The following GRK3 variants were observed in gnomAD, a reference collection of about 807,000 sequenced individuals.
The protein encoded by GRK3 is adrenergic, beta, receptor kinase 2.
A neutral mutation model predicts 95.7 loss-of-function variants in GRK3; 54 were observed. The ratio of observed to expected loss-of-function variants is 0.56; its 90% confidence interval spans 0.45 to 0.71. The LOEUF (loss-of-function observed/expected upper bound fraction) is 0.71, where lower values mean the gene tolerates loss of function less well. Among genes scored for constraint, GRK3 ranks in the 30% least tolerant of loss-of-function variants. The probability of loss-of-function intolerance (pLI) is 0.00; values close to 1 mark genes in which losing one functional copy is unlikely to be tolerated. For missense variants in GRK3, 649 were observed against 851.2 expected (o/e 0.76, Z 2.96); for synonymous variants, 281 against 290.8 (o/e 0.97, Z 0.34).
intron 2 of GRK3, among the ~76,000 whole-genome samples, chr22:25,624,527 G>C (rs759602128): frequency 7.9e-5 from 12 of 152,220 alleles, no homozygotes; most frequent in Admixed American, 2.0e-4. Flanking sequence ...TCACGCCACT[G>C]CATTCCAGCC....
At chr22:25,648,412 G>A in intron 3 of GRK3, 1 of 1,281,400 alleles carries the variant, frequency 7.8e-7, no homozygotes, top group Non-Finnish European at 1.1e-6. Flanking sequence ...AAAGATGCTT[G>A]GGAAATCCCT....
At chr22:25,642,204 G>A (rs1319677499) in intron 2 of GRK3, among the ~76,000 whole-genome samples, 1 of 152,188 alleles carries the variant, frequency 6.6e-6, no homozygotes. Flanking sequence ...AGGGCAAGGC[G>A]GGTGGATCAC....
At chr22:25,587,620 G>A (rs1248301116) in intron 1 of GRK3, among the ~76,000 whole-genome samples, 1 of 151,850 alleles carries the variant, frequency 6.6e-6, no homozygotes, top group Non-Finnish European at 1.5e-5. Flanking sequence ...TGGTAGAGAT[G>A]GGTGATGTGG....
intron 3 of GRK3, among the ~76,000 whole-genome samples, chr22:25,650,020 C>A (rs963951746): frequency 2.0e-5 from 3 of 149,014 alleles, no homozygotes; most frequent in African/African-American, 7.5e-5. Context: ...GAGACAGAGT[C>A]TTACCCTGTT....
intron 11 of GRK3, among the ~76,000 whole-genome samples, chr22:25,687,966 G>C (rs1186982764): frequency 6.6e-6 from 1 of 152,202 alleles, no homozygotes; most frequent in Non-Finnish European, 1.5e-5. Context: ...GCCAGGTGCG[G>C]TGGCTCATGC....
At chr22:25,622,143 G>T (rs2084590688) in intron 2 of GRK3, among the ~76,000 whole-genome samples, 1 of 152,158 alleles carries the variant, frequency 6.6e-6, no homozygotes, top group Non-Finnish European at 1.5e-5. Context: ...ACCACAGAAT[G>T]TTAGGCCTAA....
At chr22:25,683,612 G>A (rs142304155) in intron 9 of GRK3, among the ~76,000 whole-genome samples, 9 of 152,238 alleles carry the variant, frequency 5.9e-5, no homozygotes, top group Non-Finnish European at 7.4e-5. Flanking sequence ...TTTAATTTGC[G>A]TTACCTTGGA....
chr22:25,706,979 G>C (rs1376755379), intron 15 of GRK3, among the ~76,000 whole-genome samples: 1 of 151,776 alleles, frequency 6.6e-6, no homozygotes, highest in African/African-American at 2.4e-5. Flanking sequence ...ACATTACCAT[G>C]CCTGGCTAAC....
At chr22:25,653,282 C>T (rs1373572941) in intron 3 of GRK3, among the ~76,000 whole-genome samples, 3 of 152,160 alleles carry the variant, frequency 2.0e-5, no homozygotes, top group African/African-American at 4.8e-5. Flanking sequence ...AACCAACCCT[C>T]CCCCAATATA....
intron 19 of GRK3, among the ~76,000 whole-genome samples, chr22:25,721,006 T>A (rs115204783): frequency 0.018 from 2,722 of 152,326 alleles, 79 homozygotes; most frequent in African/African-American, 0.062. Context: ...GGCTTGCGAT[T>A]CATCATCATT....
chr22:25,661,791 G>A (rs1052299419), intron 4 of GRK3, 114 bp downstream of exon 4: 8 of 563,158 alleles, frequency 1.4e-5, no homozygotes, highest in South Asian at 3.2e-5. Flanking sequence ...AAAAATGCAC[G>A]CCCGGGATGG....
intron 2 of GRK3, among the ~76,000 whole-genome samples, chr22:25,616,749 G>T (rs2084542359): frequency 6.6e-6 from 1 of 152,198 alleles, no homozygotes; most frequent in Non-Finnish European, 1.5e-5. Context: ...AAAAAGGGTT[G>T]TGGGGAGAAG....
intron 1 of GRK3, among the ~76,000 whole-genome samples, chr22:25,594,818 C>T (rs2084361371): frequency 6.6e-6 from 1 of 151,852 alleles, no homozygotes. Context: ...GCAGAGCTTG[C>T]AAGTGAGCTG....
chr22:25,587,771 C>A lies in GRK3; in HGVS notation c.114-16606C>A, dbSNP rs573242971. 2.1e-3 allele frequency among the ~76,000 whole-genome samples: 320 copies of A among 150,954 alleles called. 3 individuals carry two copies. The highest frequency in any genetic ancestry group is 3.4e-3 in the Middle Eastern group (1 of 294). On this transcript the variant is annotated intron_variant, in intron 1 of 20. Coordinates refer to ENST00000324198, the MANE Select transcript of GRK3 (RefSeq NM_005160.4). The stretch of plus-strand genomic sequence containing the variant: ...TTCTCGTGGCAGTGAGTAAGTCTCA[C>A]GAGATCTGATGGTTTGATAAGGGGA...
chr22:25,636,496 A>G (rs562105740), intron 2 of GRK3, among the ~76,000 whole-genome samples: 1 of 152,318 alleles, frequency 6.6e-6, no homozygotes, highest in East Asian at 1.9e-4. Context: ...GTACACTGTA[A>G]ATAGTTTCCG....
chr22:25,589,292 T>C (rs868412602), intron 1 of GRK3, among the ~76,000 whole-genome samples: 6 of 152,240 alleles, frequency 3.9e-5, no homozygotes, highest in Admixed American at 1.3e-4. Flanking sequence ...CATTGTAGTT[T>C]CTCTACCAGT....
At chr22:25,691,597 C>T (rs1409833820) in intron 12 of GRK3, among the ~76,000 whole-genome samples, 2 of 152,236 alleles carry the variant, frequency 1.3e-5, no homozygotes, top group African/African-American at 4.8e-5. Context: ...ATAAGCGTCT[C>T]TCAGGGAGTT....
chr22:25,712,926 G>A (rs2085355526), intron 17 of GRK3, among the ~76,000 whole-genome samples: 1 of 152,198 alleles, frequency 6.6e-6, no homozygotes, highest in African/African-American at 2.4e-5. Context: ...CAGCAGGGAG[G>A]GCAGGGGACT....
At chr22:25,694,525 C>T (rs557124740) in intron 12 of GRK3, among the ~76,000 whole-genome samples, 3 of 152,206 alleles carry the variant, frequency 2.0e-5, no homozygotes, top group Admixed American at 6.5e-5. Context: ...TGACCTTCTG[C>T]AGCTTTTGAA....
Sources: allele counts gnomAD v4.1 joint callset (sites outside exome capture counted in the v4.1 genomes callset), GRCh38; gene constraint gnomAD v4.1.1; transcripts MANE v1.5; gene names NCBI Gene and HGNC (gene_info 2026-07-23, HGNC 2026-07-21).